Variants in TFDP2 observed in about 807,000 individuals in gnomAD.
TFDP2 encodes transcription factor Dp-2 (E2F dimerization partner 2).
Under a neutral mutation model 59.3 loss-of-function variants are expected in TFDP2, and 17 were observed. That is an observed-to-expected ratio of 0.29 (90% CI 0.20 to 0.43). The LOEUF is 0.43. Ranked by LOEUF, TFDP2 falls within the 20% of genes least tolerant of loss-of-function variation. TFDP2 has a pLI of 1.00. For synonymous variants in TFDP2, 180 were observed against 194.7 expected (o/e 0.92, Z 0.63); for missense variants, 391 against 528.8 (o/e 0.74, Z 2.56).
At position 142,123,546 on chromosome 3, in the gene TFDP2, G is replaced by C. The variant is rs552288521; in HGVS notation, c.-92-21705C>G. Among the ~76,000 whole-genome samples the C allele has an allele frequency of 6.8e-4, 104 of 152,228 alleles. 1 individual carries two copies. The highest frequency in any genetic ancestry group is 4.1e-3 in the Admixed American group (62 of 15,284). ...GCCTCCCAAAGTGCTGGGATAACAGGCTTGAGCAACTGCACCCGGCCCATT... is the reference window on the plus strand; with the variant it reads ...GCCTCCCAAAGTGCTGGGATAACAGCCTTGAGCAACTGCACCCGGCCCATT... On this transcript the variant is annotated intron_variant, in intron 1 of 12. Transcript: ENST00000489671.
chr3:141,995,153 G>T lies in TFDP2; in HGVS notation c.187-12C>A. On this transcript the variant is annotated splice_polypyrimidine_tract_variant and intron_variant, in intron 4 of 12. Coordinates refer to ENST00000489671, the MANE Select transcript of TFDP2 (RefSeq NM_001178139.2). The stretch of plus-strand genomic sequence containing the variant: ...GGTGTGCTTATAATCTGTAAAGTTA[G>T]GAACAAAGAATATAATATTCTTAAT... The T allele has an allele frequency of 6.4e-7, 1 of 1,558,408 alleles. No individual in the cohort carries two copies. The highest frequency in any genetic ancestry group is 8.7e-7 in the Non-Finnish European group (1 of 1,154,670).
intron 3 of TFDP2, among the ~76,000 whole-genome samples, chr3:142,020,659 T>A (rs1945516688): frequency 1.3e-5 from 2 of 150,478 alleles, no homozygotes; most frequent in Non-Finnish European, 1.5e-5. Context: ...TGTTTAAATA[T>A]ACTCATATAC....
chr3:142,069,056 C>G (rs1428445012), intron 3 of TFDP2, among the ~76,000 whole-genome samples: 3 of 152,070 alleles, frequency 2.0e-5, no homozygotes, highest in Non-Finnish European at 4.4e-5. Flanking sequence ...GCTGGGATTA[C>G]AGGCGCACAC....
intron 6 of TFDP2, among the ~76,000 whole-genome samples, chr3:141,987,668 C>T (rs532080363): frequency 6.7e-6 from 1 of 150,124 alleles, no homozygotes; most frequent in East Asian, 2.0e-4. Context: ...TGGTTCATGC[C>T]TGTAATCCCA....
intron 3 of TFDP2, among the ~76,000 whole-genome samples, chr3:142,065,865 A>G (rs1222025545): frequency 6.6e-6 from 1 of 152,096 alleles, no homozygotes; most frequent in Non-Finnish European, 1.5e-5. Flanking sequence ...ATACAAAATA[A>G]AACAGGCTTA....
intron 11 of TFDP2, 21 bp downstream of exon 11, chr3:141,959,653 T>C: frequency 6.2e-7 from 1 of 1,606,544 alleles, no homozygotes. Context: ...GGACAACACA[T>C]GAAAGCATCA....
At chr3:142,066,460 T>C (rs2060077523) in intron 3 of TFDP2, among the ~76,000 whole-genome samples, 1 of 152,206 alleles carries the variant, frequency 6.6e-6, no homozygotes, top group Non-Finnish European at 1.5e-5. Flanking sequence ...TAGCCTACAA[T>C]TAGGCAAAGT....
chr3:142,111,709 C>T (rs1405119175), intron 1 of TFDP2, among the ~76,000 whole-genome samples: 2 of 152,032 alleles, frequency 1.3e-5, no homozygotes, highest in Non-Finnish European at 2.9e-5. Flanking sequence ...AAGGGCAAGG[C>T]AACGGGCTGC....
chr3:142,066,553 G>C (rs347692), intron 3 of TFDP2, among the ~76,000 whole-genome samples: 1 of 151,988 alleles, frequency 6.6e-6, no homozygotes, highest in Admixed American at 6.6e-5. Context: ...GTGAAAAACA[G>C]AACAGTGGTA....
At chr3:142,037,083 AAT>A (rs1475411170) in intron 3 of TFDP2, among the ~76,000 whole-genome samples, 2 of 152,208 alleles carry the variant, frequency 1.3e-5, no homozygotes, top group Admixed American at 6.5e-5. Context: ...AGCTAAAATA[AAT>A]ATGTGTTATA....
intron 1 of TFDP2, among the ~76,000 whole-genome samples, chr3:142,139,477 T>C (rs538157150): frequency 6.6e-6 from 1 of 152,334 alleles, no homozygotes; most frequent in Admixed American, 6.5e-5. Context: ...GTCTTTAAAA[T>C]TTGGCATGTT....
At chr3:142,050,340 C>T (rs566549243) in intron 3 of TFDP2, among the ~76,000 whole-genome samples, 55 of 151,880 alleles carry the variant, frequency 3.6e-4, no homozygotes, top group African/African-American at 1.3e-3. Flanking sequence ...TTATCCCAGA[C>T]ACCTATCCTT....
intron 3 of TFDP2, among the ~76,000 whole-genome samples, chr3:142,059,648 C>T (rs371626580): frequency 1.3e-5 from 2 of 151,566 alleles, no homozygotes; most frequent in Admixed American, 6.6e-5. Flanking sequence ...GGTGTAATCT[C>T]GGCTCACTGC....
At chr3:142,077,898 T>TG (rs1560119366) in intron 3 of TFDP2, among the ~76,000 whole-genome samples, 2 of 152,152 alleles carry the variant, frequency 1.3e-5, no homozygotes, top group Admixed American at 6.5e-5. Context: ...ATTCCAAGCC[T>TG]GGGCTCTTCA....
chr3:142,072,658 G>C (rs2060286421), intron 3 of TFDP2, among the ~76,000 whole-genome samples: 1 of 152,146 alleles, frequency 6.6e-6, no homozygotes, highest in South Asian at 2.1e-4. Flanking sequence ...ACAATGACTA[G>C]GATGTGTCCA....
At chr3:142,133,199 T>C (rs1328893977) in intron 1 of TFDP2, among the ~76,000 whole-genome samples, 1 of 150,030 alleles carries the variant, frequency 6.7e-6, no homozygotes, top group Non-Finnish European at 1.5e-5. Context: ...TTTTGAATTA[T>C]CAAATTTCAA....
At chr3:142,098,530 G>C (rs181536187) in intron 2 of TFDP2, among the ~76,000 whole-genome samples, 1 of 151,996 alleles carries the variant, frequency 6.6e-6, no homozygotes, top group East Asian at 1.9e-4. Context: ...CTCAAAGCCT[G>C]GCCACTTACC....
intron 3 of TFDP2, among the ~76,000 whole-genome samples, chr3:142,021,561 C>T (rs542245098): frequency 7.9e-5 from 12 of 152,294 alleles, no homozygotes; most frequent in Admixed American, 5.9e-4. Context: ...AAGATCAAAC[C>T]TGTTCTCTTG....
At chr3:141,964,299 G>A (rs891272192) in intron 9 of TFDP2, among the ~76,000 whole-genome samples, 4 of 152,126 alleles carry the variant, frequency 2.6e-5, no homozygotes, top group South Asian at 4.1e-4. Context: ...CAAACTTTAG[G>A]ATGTGTAGCC....
Sources: gnomAD v4.1 joint callset for allele counts (sites outside exome capture counted in the v4.1 genomes callset) on GRCh38, gnomAD v4.1.1 for gene constraint, MANE v1.5 for transcripts, NCBI Gene and HGNC (gene_info 2026-07-23, HGNC 2026-07-21) for gene names.